Variants in CARMIL1 observed in about 807,000 individuals in gnomAD.
The protein encoded by CARMIL1 is F-actin-uncapping protein LRRC16A.
A neutral mutation model predicts 177.1 loss-of-function variants in CARMIL1; 90 were observed. That is an observed-to-expected ratio of 0.51 (90% CI 0.43 to 0.61). The LOEUF is 0.61. CARMIL1 is among the 20% of genes least tolerant of loss of function. The pLI, the probability that CARMIL1 is intolerant of heterozygous loss-of-function variation, is 0.00. For synonymous variants in CARMIL1, 577 were observed against 606.2 expected (o/e 0.95, Z 0.71); for missense variants, 1,380 against 1,667.0 (o/e 0.83, Z 3.00).
intron 2 of CARMIL1, among the ~76,000 whole-genome samples, chr6:25,306,404 A>G (rs1193585749): frequency 1.3e-5 from 2 of 152,106 alleles, no homozygotes; most frequent in African/African-American, 2.4e-5. Context: ...TGAACTGTGC[A>G]TTCAAGAGAT....
intron 4 of CARMIL1, among the ~76,000 whole-genome samples, chr6:25,428,229 CT>C (rs992225464): frequency 4.0e-5 from 6 of 151,238 alleles, no homozygotes; most frequent in South Asian, 4.2e-4. Flanking sequence ...TTTAGTTTGT[CT>C]TTTTTTTCTC....
In CARMIL1 at chr6:25,554,875, G is replaced by A. The variant is rs188986960; in HGVS notation, c.2592+779G>A. Among the ~76,000 whole-genome samples the A allele has an allele frequency of 2.0e-5, 3 of 152,328 alleles. No homozygotes were observed. The highest frequency in any genetic ancestry group is 4.8e-5 in the African/African-American group (2 of 41,584). On this transcript the variant is annotated intron_variant, in intron 28 of 36. Coordinates refer to ENST00000329474, the MANE Select transcript of CARMIL1 (RefSeq NM_017640.6). The surrounding 1 kb of genome is among the most constrained non-coding windows in gnomAD (Gnocchi z 4.6). ...GTTTTATGGCATTGAATTGTTGGGT[G>A]ACCCTAGAGAATCCTAAAATGAGAG...
At position 25,491,967 on chromosome 6, in the gene CARMIL1, G is replaced by A. The variant is rs1443401226; in HGVS notation, c.1163G>A (p.Arg388His). ...SLDMVCGALL[R>H]GCLQYLAVLN... ...TTTCAGGTCTGTGGAGCTCTTCTCC[G>A]TGGATGCCTTCAATATTTAGCTGTG... The change falls in exon 15 of 37, where the codon CGT (arginine) becomes CAT (histidine). Residue 388 changes from arginine (R) to histidine (H), a missense_variant. Coordinates refer to ENST00000329474, the MANE Select transcript of CARMIL1 (RefSeq NM_017640.6). 5.6e-6 allele frequency: 9 copies of A among 1,613,558 alleles called. No individual in the cohort carries two copies. The highest frequency in any genetic ancestry group is 1.3e-5 in the African/African-American group (1 of 74,972).
intron 2 of CARMIL1, among the ~76,000 whole-genome samples, chr6:25,376,367 A>G (rs1319583718): frequency 6.6e-6 from 1 of 152,226 alleles, no homozygotes. Context: ...GGCATGAGCC[A>G]CCGTATCTGG....
At chr6:25,397,221 CA>C (rs1317762958) in intron 2 of CARMIL1, among the ~76,000 whole-genome samples, 1 of 151,874 alleles carries the variant, frequency 6.6e-6, no homozygotes, top group Admixed American at 6.6e-5. Flanking sequence ...TCTTTTCCCC[CA>C]AAAAAACCCT....
At chr6:25,345,465 C>G (rs140792999) in intron 2 of CARMIL1, among the ~76,000 whole-genome samples, 2,036 of 152,236 alleles carry the variant, frequency 0.013, 28 homozygotes, top group Non-Finnish European at 0.021. Context: ...ATCTGGCTGC[C>G]TGCTGGACAT....
At chr6:25,495,833 C>G (rs1803648861) in intron 16 of CARMIL1, among the ~76,000 whole-genome samples, 1 of 151,904 alleles carries the variant, frequency 6.6e-6, no homozygotes, top group Non-Finnish European at 1.5e-5. Flanking sequence ...TTGACTATTG[C>G]CAGAAAGAGT....
intron 20 of CARMIL1, among the ~76,000 whole-genome samples, chr6:25,512,538 G>C (rs1044347695): frequency 2.6e-5 from 4 of 151,928 alleles, no homozygotes; most frequent in Non-Finnish European, 4.4e-5. Context: ...ACCAATACCT[G>C]GTACAATTGG....
At chr6:25,349,661 G>A (rs899382034) in intron 2 of CARMIL1, among the ~76,000 whole-genome samples, 8 of 151,998 alleles carry the variant, frequency 5.3e-5, no homozygotes, top group Admixed American at 2.6e-4. Flanking sequence ...GCCCTGAGGC[G>A]GCCCTTCACC....
intron 2 of CARMIL1, among the ~76,000 whole-genome samples, chr6:25,327,956 G>A (rs1009008566): frequency 9.2e-5 from 14 of 152,148 alleles, no homozygotes; most frequent in African/African-American, 2.9e-4. Context: ...GAACATTGGG[G>A]CTTGGTGAGA....
chr6:25,366,840 G>GT (rs1789869934), intron 2 of CARMIL1, among the ~76,000 whole-genome samples: 1 of 152,108 alleles, frequency 6.6e-6, no homozygotes, highest in Admixed American at 6.6e-5. Flanking sequence ...TACTTAAAAT[G>GT]TATTTCTAAC....
intron 33 of CARMIL1, among the ~76,000 whole-genome samples, chr6:25,603,392 G>A (rs1414405647): frequency 1.3e-5 from 2 of 152,164 alleles, no homozygotes; most frequent in South Asian, 2.1e-4. Flanking sequence ...CATGACAGTG[G>A]AGCTTTTGTC....
chr6:25,343,554 G>A (rs189550567), intron 2 of CARMIL1, among the ~76,000 whole-genome samples: 12 of 152,088 alleles, frequency 7.9e-5, no homozygotes, highest in East Asian at 3.9e-4. Context: ...TCTTATTCCC[G>A]TTTATGTCAG....
At chr6:25,539,027 CT>C (rs1172537815) in intron 25 of CARMIL1, among the ~76,000 whole-genome samples, 2 of 152,084 alleles carry the variant, frequency 1.3e-5, no homozygotes, top group Non-Finnish European at 2.9e-5. Flanking sequence ...CGAAGCTCCC[CT>C]GACCCCTTAC....
At chr6:25,322,477 CACACACATACAA>C (rs1401095635) in intron 2 of CARMIL1, among the ~76,000 whole-genome samples, 1 of 152,204 alleles carries the variant, frequency 6.6e-6, no homozygotes, top group Non-Finnish European at 1.5e-5. Context: ...TGCTCTGGAT[CACACACATACAA>C]ACACACATAT....
chr6:25,386,462 G>T (rs1792171145), intron 2 of CARMIL1, among the ~76,000 whole-genome samples: 1 of 151,876 alleles, frequency 6.6e-6, no homozygotes, highest in South Asian at 2.1e-4. Flanking sequence ...CCATGTTGGT[G>T]AAACTGCTGA....
At chr6:25,578,948 T>G (rs1022492) in intron 29 of CARMIL1, among the ~76,000 whole-genome samples, 28,537 of 151,974 alleles carry the variant, frequency 0.19, 2,890 homozygotes, top group East Asian at 0.4. Context: ...TTGAGTGATA[T>G]CAACCATCAA....
intron 8 of CARMIL1, among the ~76,000 whole-genome samples, chr6:25,453,579 C>T (rs574528767): frequency 6.6e-6 from 1 of 152,296 alleles, no homozygotes; most frequent in Admixed American, 6.5e-5. Context: ...TACTGCTTCA[C>T]TGAGGACATT....
intron 2 of CARMIL1, among the ~76,000 whole-genome samples, chr6:25,291,573 T>C (rs1343867446): frequency 6.6e-6 from 1 of 152,234 alleles, no homozygotes; most frequent in Non-Finnish European, 1.5e-5. Context: ...ATATTCATGC[T>C]GAAATTTGTG....
Sources: allele counts gnomAD v4.1 joint callset (sites outside exome capture counted in the v4.1 genomes callset), GRCh38; gene constraint gnomAD v4.1.1; non-coding constraint Gnocchi (gnomAD v3.1); transcripts MANE v1.5; gene names NCBI Gene and HGNC (gene_info 2026-07-23, HGNC 2026-07-21).